PCDH15: variants seen among roughly 807,000 people sequenced by gnomAD.
The protein encoded by PCDH15 is protocadherin related 15.
In PCDH15, 129 loss-of-function variants were observed where a neutral mutation model predicts 178.5. The observed-to-expected ratio is 0.72, with a 90% CI of 0.63 to 0.84. The LOEUF is 0.84. Ranked by LOEUF, PCDH15 falls within the 40% of genes least tolerant of loss-of-function variation. The pLI, the probability that PCDH15 is intolerant of heterozygous loss-of-function variation, is 0.00. For missense variants in PCDH15, 2,230 were observed against 2,099.9 expected, an observed-to-expected ratio of 1.06 and a Z score of -1.21; for synonymous variants, 800 against 732.0, an observed-to-expected ratio of 1.09 and a Z score of -1.50.
chr10:54,712,651 G>A (rs1334413705), intron 1 of PCDH15, among the ~76,000 whole-genome samples: 1 of 151,940 alleles, frequency 6.6e-6, no homozygotes. Flanking sequence ...AACTAAGGGG[G>A]CAGTAATTTA....
intron 1 of PCDH15, among the ~76,000 whole-genome samples, chr10:54,723,915 G>A (rs1384523035): frequency 1.3e-5 from 2 of 151,536 alleles, no homozygotes; most frequent in East Asian, 3.9e-4. Context: ...GTCAAGAAAC[G>A]GCAATTGTTT....
intron 5 of PCDH15, among the ~76,000 whole-genome samples, chr10:54,354,459 G>A (rs1944654701): frequency 6.6e-6 from 1 of 152,162 alleles, no homozygotes; most frequent in Admixed American, 6.5e-5. Context: ...GATTCTCAGA[G>A]AGAATGTGCC....
chr10:55,584,050 T>A (rs535944257), intron 2 of PCDH15, among the ~76,000 whole-genome samples: 2 of 151,886 alleles, frequency 1.3e-5, no homozygotes, highest in East Asian at 3.9e-4. Flanking sequence ...GCTAATTTTT[T>A]AAAAAATATA....
chr10:54,194,905 G>A (rs1015914505), intron 11 of PCDH15, among the ~76,000 whole-genome samples: 4 of 152,094 alleles, frequency 2.6e-5, no homozygotes, highest in African/African-American at 9.7e-5. Flanking sequence ...TATCTCTCAG[G>A]CTTCATTCTC....
At chr10:54,191,683 A>G (rs1477893088) in intron 11 of PCDH15, among the ~76,000 whole-genome samples, 1 of 151,166 alleles carries the variant, frequency 6.6e-6, no homozygotes, top group Non-Finnish European at 1.5e-5. Flanking sequence ...AGGTGGGTGT[A>G]TCACTTGAGG....
chr10:55,164,647 T>C (rs1839151271), intron 2 of PCDH15, among the ~76,000 whole-genome samples: 1 of 152,092 alleles, frequency 6.6e-6, no homozygotes, highest in South Asian at 2.1e-4. Flanking sequence ...AGTATTTTAA[T>C]TGTCCAAGGA....
At chr10:55,321,866 T>C (rs1247407603), upstream of PCDH15, among the ~76,000 whole-genome samples, 1 of 152,156 alleles carries the variant, frequency 6.6e-6, no homozygotes, top group Non-Finnish European at 1.5e-5. Flanking sequence ...GTTCTAAACA[T>C]GGAAAGGAAA....
chr10:54,386,861 T>G (rs1302751228), intron 3 of PCDH15, among the ~76,000 whole-genome samples: 1 of 152,156 alleles, frequency 6.6e-6, no homozygotes. Flanking sequence ...ACAATGTTGG[T>G]TGGAAAGTAA....
At chr10:55,593,165 T>C (rs1195856880) in intron 2 of PCDH15, among the ~76,000 whole-genome samples, 5 of 151,964 alleles carry the variant, frequency 3.3e-5, no homozygotes, top group African/African-American at 4.8e-5. Flanking sequence ...GACCCAAATA[T>C]ATGTTCAAAA....
chr10:53,899,145 G>T (rs1020227781), intron 26 of PCDH15, among the ~76,000 whole-genome samples: 13 of 149,460 alleles, frequency 8.7e-5, no homozygotes, highest in Non-Finnish European at 1.8e-4. Context: ...TTTTTTTCGG[G>T]GGGGGGTGGT....
intron 2 of PCDH15, among the ~76,000 whole-genome samples, chr10:55,383,812 C>T (rs1440310005): frequency 6.6e-6 from 1 of 152,036 alleles, no homozygotes; most frequent in East Asian, 1.9e-4. Flanking sequence ...TGTTTTATAC[C>T]TAGGATTCCA....
intron 2 of PCDH15, among the ~76,000 whole-genome samples, chr10:55,341,184 C>T (rs1844546627): frequency 6.6e-6 from 1 of 151,836 alleles, no homozygotes; most frequent in Non-Finnish European, 1.5e-5. Context: ...TTTAAAAGCC[C>T]TTTCTTTCAC....
At chr10:53,998,124 T>C (rs767249054) in intron 20 of PCDH15, among the ~76,000 whole-genome samples, 7 of 152,168 alleles carry the variant, frequency 4.6e-5, no homozygotes, top group Non-Finnish European at 7.3e-5. Context: ...TCCAAAACCA[T>C]GCTCTTTTCT....
intron 2 of PCDH15, among the ~76,000 whole-genome samples, chr10:55,123,724 C>T (rs963673325): frequency 2.0e-5 from 3 of 152,090 alleles, no homozygotes; most frequent in Non-Finnish European, 4.4e-5. Context: ...CCCATAGAAA[C>T]ACATATGGAA....
At chr10:54,649,970 T>C (rs1186719966) in intron 2 of PCDH15, among the ~76,000 whole-genome samples, 1 of 152,162 alleles carries the variant, frequency 6.6e-6, no homozygotes, top group South Asian at 2.1e-4. Context: ...ATTTATTTCA[T>C]TAATCACAAA....
intron 2 of PCDH15, among the ~76,000 whole-genome samples, chr10:54,933,075 TA>T (rs762794735): frequency 2.0e-5 from 3 of 152,224 alleles, no homozygotes; most frequent in African/African-American, 4.8e-5. Flanking sequence ...CAGTATTCAG[TA>T]TAGTAACATG....
chr10:54,403,029 A>G (rs1022392858), intron 3 of PCDH15, among the ~76,000 whole-genome samples: 20 of 152,064 alleles, frequency 1.3e-4, no homozygotes, highest in Admixed American at 2.0e-4. Flanking sequence ...CAAGCTATGA[A>G]TTCAAAGAAA....
At chr10:54,249,202 T>C (rs1435204298) in intron 8 of PCDH15, among the ~76,000 whole-genome samples, 2 of 152,128 alleles carry the variant, frequency 1.3e-5, no homozygotes, top group South Asian at 2.1e-4. Context: ...CCATGTTCCA[T>C]ATTTAATTTT....
At chr10:55,010,757 TAA>T (rs899076234) in intron 2 of PCDH15, among the ~76,000 whole-genome samples, 2 of 152,038 alleles carry the variant, frequency 1.3e-5, no homozygotes, top group Admixed American at 6.6e-5. Context: ...AAAATGATTA[TAA>T]GTCTCTTCCC....
Sources: allele counts gnomAD v4.1 joint callset (sites outside exome capture counted in the v4.1 genomes callset), GRCh38; gene constraint gnomAD v4.1.1; transcripts MANE v1.5; gene names NCBI Gene and HGNC (gene_info 2026-07-23, HGNC 2026-07-21).